Variants in CEP128 observed in about 807,000 individuals in gnomAD.
CEP128 encodes the protein centrosomal protein 128.
A neutral mutation model predicts 156.7 loss-of-function variants in CEP128; 132 were observed. The observed-to-expected ratio is 0.84, with a 90% CI of 0.73 to 0.97. The LOEUF is 0.97. Ranked by LOEUF, CEP128 falls within the 50% of genes least tolerant of loss-of-function variation. The probability of loss-of-function intolerance (pLI) is 0.00; values close to 1 mark genes in which losing one functional copy is unlikely to be tolerated. For synonymous variants in CEP128, 469 were observed against 448.9 expected, an observed-to-expected ratio of 1.04 and a Z score of -0.57; for missense variants, 1,252 against 1,281.9, an observed-to-expected ratio of 0.98 and a Z score of 0.36.
At chr14:80,592,025 T>C (rs1032228066) in intron 19 of CEP128, among the ~76,000 whole-genome samples, 4 of 152,194 alleles carry the variant, frequency 2.6e-5, no homozygotes, top group African/African-American at 7.2e-5. Flanking sequence ...GGGAAATTTA[T>C]AGCACTAAAT....
At chr14:80,680,513 T>C (rs930548653) in intron 19 of CEP128, among the ~76,000 whole-genome samples, 3 of 152,100 alleles carry the variant, frequency 2.0e-5, no homozygotes, top group African/African-American at 4.8e-5. Context: ...TTGTAGTATA[T>C]GAAGACCCTC....
intron 13 of CEP128, among the ~76,000 whole-genome samples, chr14:80,829,791 T>G (rs1295893875): frequency 6.6e-6 from 1 of 152,108 alleles, no homozygotes; most frequent in Non-Finnish European, 1.5e-5. Context: ...CCCTAACCCA[T>G]AAGAAATTGT....
At chr14:80,758,333 C>T (rs778445068) in intron 17 of CEP128, among the ~76,000 whole-genome samples, 34 of 152,050 alleles carry the variant, frequency 2.2e-4, no homozygotes, top group Non-Finnish European at 1.2e-4. Context: ...ACCAGCCTGG[C>T]CAACATGGTG....
At chr14:80,814,307 T>C (rs144018703) in intron 13 of CEP128, among the ~76,000 whole-genome samples, 49 of 152,308 alleles carry the variant, frequency 3.2e-4, no homozygotes, top group Non-Finnish European at 6.2e-4. Context: ...ACCTATTTAC[T>C]ATGCCCCATA....
At chr14:80,733,969 C>T (rs553387384) in intron 19 of CEP128, among the ~76,000 whole-genome samples, 11 of 152,082 alleles carry the variant, frequency 7.2e-5, no homozygotes, top group Non-Finnish European at 1.5e-4. Flanking sequence ...TTTTTGTTTG[C>T]CCTTTAGTTC....
At chr14:80,502,779 C>A (rs1887797821) in intron 24 of CEP128, among the ~76,000 whole-genome samples, 1 of 151,936 alleles carries the variant, frequency 6.6e-6, no homozygotes, top group Non-Finnish European at 1.5e-5. Context: ...CTTTGTTGGT[C>A]TCATCTCTTC....
intron 19 of CEP128, among the ~76,000 whole-genome samples, chr14:80,662,514 C>T (rs915267812): frequency 2.6e-5 from 4 of 152,124 alleles, no homozygotes; most frequent in Admixed American, 6.6e-5. Context: ...ACCTTGTTCA[C>T]TCAACAATAT....
At chr14:80,904,205 GA>G (rs1883746942) in intron 6 of CEP128, among the ~76,000 whole-genome samples, 1 of 152,100 alleles carries the variant, frequency 6.6e-6, no homozygotes. Context: ...GGATGAATCT[GA>G]AGACATTATG....
intron 19 of CEP128, among the ~76,000 whole-genome samples, chr14:80,697,173 G>T (rs1312341167): frequency 6.6e-6 from 1 of 151,826 alleles, no homozygotes; most frequent in African/African-American, 2.4e-5. Flanking sequence ...TAAAAAAAAA[G>T]TTTTCTAAAC....
chr14:80,676,882 C>A (rs551210112), intron 19 of CEP128, among the ~76,000 whole-genome samples: 58 of 152,158 alleles, frequency 3.8e-4, no homozygotes, highest in African/African-American at 1.4e-3. Context: ...GCCAACCTGA[C>A]CATTTTATAT....
chr14:80,781,647 G>C (rs780719376), intron 15 of CEP128, among the ~76,000 whole-genome samples: 1 of 152,076 alleles, frequency 6.6e-6, no homozygotes, highest in Admixed American at 6.6e-5. Context: ...GCTAAAGGAA[G>C]GGGTTGCAGG....
intron 8 of CEP128, among the ~76,000 whole-genome samples, chr14:80,873,323 ACTG>A (rs1178921283): frequency 6.6e-6 from 1 of 152,236 alleles, no homozygotes; most frequent in Non-Finnish European, 1.5e-5. Context: ...AATTCAGCTA[ACTG>A]CTAACTTTTT....
At chr14:80,544,977 TA>T (rs1161263567) in intron 21 of CEP128, among the ~76,000 whole-genome samples, 2 of 152,184 alleles carry the variant, frequency 1.3e-5, no homozygotes, top group African/African-American at 4.8e-5. Flanking sequence ...AATCAATACT[TA>T]AAAAAATTTT....
intron 7 of CEP128, 74 bp downstream of exon 7, chr14:80,899,864 A>C: frequency 9.6e-7 from 1 of 1,046,702 alleles, no homozygotes; most frequent in Non-Finnish European, 1.5e-6. Flanking sequence ...ATCTAGATAA[A>C]TATGTCAATT....
chr14:80,867,550 A>T (rs2140176320), intron 8 of CEP128, among the ~76,000 whole-genome samples: 1 of 152,324 alleles, frequency 6.6e-6, no homozygotes, highest in East Asian at 1.9e-4. Context: ...AGAACAAAAC[A>T]GAAATTCTTA....
intron 19 of CEP128, among the ~76,000 whole-genome samples, chr14:80,652,968 G>T (rs1281001151): frequency 1.3e-5 from 2 of 152,056 alleles, no homozygotes; most frequent in African/African-American, 4.8e-5. Context: ...GACTGGATTA[G>T]CAAAACGTGG....
At chr14:80,667,483 A>T (rs1375293436) in intron 19 of CEP128, among the ~76,000 whole-genome samples, 1 of 152,196 alleles carries the variant, frequency 6.6e-6, no homozygotes, top group African/African-American at 2.4e-5. Flanking sequence ...ACTAAACAAT[A>T]AAAATGAGTT....
chr14:80,686,902 A>G (rs887646506), intron 19 of CEP128, among the ~76,000 whole-genome samples: 1 of 150,640 alleles, frequency 6.6e-6, no homozygotes, highest in African/African-American at 2.4e-5. Flanking sequence ...TAACCTAAAT[A>G]TATCTGCACC....
intron 2 of CEP128, chr14:80,957,929 C>T (rs1407126158): frequency 6.6e-6 from 1 of 151,986 alleles, no homozygotes; most frequent in Non-Finnish European, 1.5e-5. Context: ...GAGGATCTGC[C>T]CTTGAGAATA....
Sources: gnomAD v4.1 joint callset for allele counts (sites outside exome capture counted in the v4.1 genomes callset) on GRCh38, gnomAD v4.1.1 for gene constraint, MANE v1.5 for transcripts, NCBI Gene and HGNC (gene_info 2026-07-23, HGNC 2026-07-21) for gene names.